Variants in CT55 observed in about 807,000 individuals in gnomAD.
CT55 encodes BRCA2-interacting protein.
CT55 carries 1 observed loss-of-function variant against 12.6 expected under a neutral mutation model. The ratio of observed to expected loss-of-function variants is 0.08; its 90% CI spans 0.03 to 0.38. The LOEUF is 0.38. Among genes scored for constraint, CT55 ranks in the 10% least tolerant of loss-of-function variants. CT55 has a pLI of 0.99. For missense variants in CT55, 109 were observed against 135.4 expected (o/e 0.80, Z 0.97); for synonymous variants, 43 against 49.7 (o/e 0.87, Z 0.57).
chrX:135,163,128 C>G (rs2148443611), intron 2 of CT55, among the ~76,000 whole-genome samples: 1 of 112,152 alleles, frequency 8.9e-6, no homozygotes, highest in South Asian at 3.7e-4. Context: ...AAATGGATAC[C>G]TACTTCTTCA....
rs145864491 is a variant in CT55, at chrX:135,165,121, A to C, written c.279+4473T>G. On this transcript the variant is annotated intron_variant, in intron 2 of 5. Transcript: ENST00000276241. ...CAGAACATTCCATCCAAATACTCCA[A>C]AACACATATTCTTTCCAACTGCATG... Among the ~76,000 whole-genome samples the C allele has an allele frequency of 2.5e-3, 280 of 112,307 alleles. 3 individuals are homozygous for C. In the East Asian group the frequency reaches 0.035, roughly 14 times the overall value.
intron 2 of CT55, among the ~76,000 whole-genome samples, 162 bp downstream of exon 2, chrX:135,169,432 C>G (rs1428783967): frequency 8.9e-6 from 1 of 111,945 alleles, no homozygotes; most frequent in Non-Finnish European, 1.9e-5. Flanking sequence ...ACAAATATTA[C>G]AACAGAAGAA....
chrX:135,167,181 C>T (rs2083589498), intron 2 of CT55, among the ~76,000 whole-genome samples: 1 of 111,858 alleles, frequency 8.9e-6, no homozygotes, highest in Non-Finnish European at 1.9e-5. Flanking sequence ...AGGCATCACA[C>T]TATGATGTCA....
chrX:135,170,188 A>G (rs1416076055), intron 1 of CT55, among the ~76,000 whole-genome samples: 3 of 110,032 alleles, frequency 2.7e-5, no homozygotes, highest in Admixed American at 9.6e-5. Context: ...TGAATTGTTA[A>G]TAGAGACGGG....
intron 4 of CT55, 67 bp downstream of exon 4, chrX:135,158,132 C>G: frequency 1.6e-6 from 1 of 637,684 alleles, no homozygotes. Context: ...GAATCCTGGT[C>G]ACGTAAATTA....
At chrX:135,164,366 C>T (rs1359563752) in intron 2 of CT55, among the ~76,000 whole-genome samples, 12 of 111,573 alleles carry the variant, frequency 1.1e-4, no homozygotes, top group African/African-American at 2.9e-4. Context: ...AATAATCTGC[C>T]GTGATTATGT....
intron 1 of CT55, among the ~76,000 whole-genome samples, chrX:135,170,087 A>G (rs1271180369): frequency 9.0e-6 from 1 of 111,560 alleles, no homozygotes; most frequent in East Asian, 2.8e-4. Context: ...GCTAGCGGCA[A>G]CCTCTGCCTC....
At chrX:135,159,239 CTCTG>C (rs1556404708) in intron 3 of CT55, among the ~76,000 whole-genome samples, 1 of 100,871 alleles carries the variant, frequency 9.9e-6, no homozygotes, top group Non-Finnish European at 2.1e-5. Context: ...CTCTCTCTCT[CTCTG>C]ATAATTTACA....
rs782037356 is a variant in CT55, at chrX:135,171,190, C to G, written c.-19G>C. On this transcript the variant is annotated 5_prime_UTR_variant, in exon 1 of 6. Transcript: ENST00000276241. ...TGAGCATCGTCCCAGTTGTCACCAC[C>G]GGCCTGGGCACCGCTTGTGGCAGAT... The G allele has an allele frequency of 5.0e-6, 6 of 1,210,534 alleles. No individual in the cohort carries two copies. The highest frequency in any genetic ancestry group is 5.6e-6 in the Non-Finnish European group (5 of 894,787).
intron 3 of CT55, 151 bp from the exon 4 acceptor site, chrX:135,158,462 C>CT (rs2083547188): frequency 9.9e-6 from 4 of 405,722 alleles, no homozygotes; most frequent in Non-Finnish European, 1.7e-5. Context: ...CTACAAATCT[C>CT]TAAGTCCAAA....
chrX:135,166,287 G>A (rs1487971894), intron 2 of CT55, among the ~76,000 whole-genome samples: 1 of 111,272 alleles, frequency 9.0e-6, no homozygotes, highest in African/African-American at 3.3e-5. Flanking sequence ...TCCCTGGGAT[G>A]CAGGGAAGTT....
Position 135,160,470 on chromosome X carries a change from T to G in CT55, c.365A>C (p.Asn122Thr). 1 of 1,195,832 alleles carries G rather than the reference T, an allele frequency of 8.4e-7. No individual in the cohort carries two copies. The highest frequency in any genetic ancestry group is 1.1e-6 in the Non-Finnish European group (1 of 888,925). The change falls in exon 3 of 6, where the codon AAT (asparagine) becomes ACT (threonine). Residue 122 changes from asparagine (N) to threonine (T), a missense_variant. Transcript: ENST00000276241. Reference sequence around the variant, plus strand: ...GTTACTAATATAAATATTATCTTCATTTATAGAAGTAACACATCCAATTAA... The same window carrying G: ...GTTACTAATATAAATATTATCTTCAGTTATAGAAGTAACACATCCAATTAA... The part of the protein sequence containing the change: ...RVLIGCVTSI[N>T]EDNIYISNSI...
At chrX:135,160,684 T>C (rs2083558921) in intron 2 of CT55, 129 bp from the exon 3 acceptor site, 1 of 741,940 alleles carries the variant, frequency 1.3e-6, no homozygotes, top group African/African-American at 2.2e-5. Flanking sequence ...TATAGTTCAC[T>C]TGGTAAGTGG....
chrX:135,170,698 T>C (rs1389341080), intron 1 of CT55, among the ~76,000 whole-genome samples: 2 of 111,442 alleles, frequency 1.8e-5, no homozygotes, highest in African/African-American at 6.5e-5. Flanking sequence ...GTATGAGGCA[T>C]CAACTTGGCT....
chrX:135,164,397 C>T, intron 2 of CT55, among the ~76,000 whole-genome samples: 1 of 111,514 alleles, frequency 9.0e-6, no homozygotes, highest in East Asian at 2.8e-4. Flanking sequence ...CTCATGCTAT[C>T]CACAAAGAAA....
At chrX:135,171,426 T>TA (rs2083610826), upstream of CT55, 1 of 417,149 alleles carries the variant, frequency 2.4e-6, no homozygotes, top group Non-Finnish European at 3.7e-6. Context: ...GGCCCGCCTC[T>TA]ACCACTGTCC....
intron 4 of CT55, 42 bp downstream of exon 4, chrX:135,158,157 G>A: frequency 1.2e-6 from 1 of 837,516 alleles, no homozygotes; most frequent in Non-Finnish European, 1.8e-6. Flanking sequence ...CAAAGGAAGA[G>A]TTAGCAGAAA....
At chrX:135,164,722 T>C (rs1204150448) in intron 2 of CT55, among the ~76,000 whole-genome samples, 2 of 111,208 alleles carry the variant, frequency 1.8e-5, no homozygotes, top group Non-Finnish European at 3.8e-5. Context: ...AAACTGAAAG[T>C]GAAGACATGA....
intron 2 of CT55, among the ~76,000 whole-genome samples, chrX:135,162,438 T>A (rs781796553): frequency 6.2e-5 from 7 of 112,178 alleles, no homozygotes; most frequent in Admixed American, 1.9e-4. Flanking sequence ...GTGATTGTCC[T>A]CCTGCAGAAA....
Sources: allele counts gnomAD v4.1 joint callset (sites outside exome capture counted in the v4.1 genomes callset), GRCh38; gene constraint gnomAD v4.1.1; transcripts MANE v1.5; gene names NCBI Gene and HGNC (gene_info 2026-07-23, HGNC 2026-07-21).